SPG11: variants seen among roughly 807,000 people sequenced by gnomAD.
The protein encoded by SPG11 is SPG11 vesicle trafficking associated, spatacsin, also known as spatacsin.
In SPG11, 222 loss-of-function variants were observed where a neutral mutation model predicts 274.0. That is an observed-to-expected ratio of 0.81 (90% confidence interval 0.73 to 0.91). The LOEUF (loss-of-function observed/expected upper bound fraction) is 0.91. Ranked by LOEUF, SPG11 falls within the 40% of genes least tolerant of loss-of-function variation. The probability of loss-of-function intolerance (pLI) is 0.00; values close to 1 mark genes in which losing one functional copy is unlikely to be tolerated. For missense variants in SPG11, 3,114 were observed against 2,872.7 expected (o/e 1.08, Z -1.92); for synonymous variants, 1,144 against 1,039.7 (o/e 1.10, Z -1.93).
Position 44,633,458 on chromosome 15 carries a change from G to A in SPG11, c.1735+47C>T, listed in dbSNP as rs753631951. 302 of 1,376,276 alleles carry A rather than the reference G, an allele frequency of 2.2e-4. 1 individual carries two copies. In the South Asian group the frequency reaches 2.6e-3, roughly 12 times the overall value. The allele number at this position is 1,376,276 out of a possible 1,614,324, so 85.3% of individuals were successfully genotyped here. On this transcript the variant is annotated intron_variant, in intron 8 of 39. Coordinates refer to ENST00000261866, the MANE Select transcript of SPG11 (RefSeq NM_025137.4). The stretch of plus-strand genomic sequence containing the variant: ...AACATCATACTTTGAAAGTTATTAA[G>A]AAGATCAAATGATAAATACAAATGT...
chr15:44,662,026 G>A (rs2085124238), intron 1 of SPG11, among the ~76,000 whole-genome samples: 1 of 152,028 alleles, frequency 6.6e-6, no homozygotes, highest in Non-Finnish European at 1.5e-5. Context: ...TTCCCTGCTG[G>A]GTTCTCAAAC....
At chr15:44,578,321 G>A (rs2082588960) in intron 30 of SPG11, among the ~76,000 whole-genome samples, 1 of 151,442 alleles carries the variant, frequency 6.6e-6, no homozygotes, top group Non-Finnish European at 1.5e-5. Context: ...GTGAGCCACC[G>A]CGCCTGGCCA....
Position 44,621,936 on chromosome 15 carries a change from T to C in SPG11, c.2445-2A>G, listed in dbSNP as rs1402326508. 1.9e-6 allele frequency: 3 copies of C among 1,604,268 alleles called. No homozygotes were observed. The highest frequency in any genetic ancestry group is 1.1e-5 in the South Asian group (1 of 88,462). On this transcript the variant is annotated splice_acceptor_variant, in intron 13 of 39. Coordinates refer to ENST00000261866, the MANE Select transcript of SPG11 (RefSeq NM_025137.4). LOFTEE classifies it high-confidence loss of function. ...AAATCTTGTTCCTTTATCCAGTACC[T>C]AAAAACAGTGATATAAATTTTTTTT...
intron 17 of SPG11, among the ~76,000 whole-genome samples, chr15:44,612,761 C>G (rs896219270): frequency 6.6e-6 from 1 of 151,810 alleles, no homozygotes; most frequent in Non-Finnish European, 1.5e-5. Context: ...ACATATATTA[C>G]TTCATAATCA....
chr15:44,569,572 T>A, intron 34 of SPG11, 67 bp from the exon 35 acceptor site: 2 of 1,215,388 alleles, frequency 1.6e-6, no homozygotes, highest in Non-Finnish European at 2.4e-6. Context: ...GCCAGACAAC[T>A]ACCATCAGTG....
At position 44,584,238 on chromosome 15, in the gene SPG11, A is replaced by C; in HGVS notation, c.5442T>G (p.Asn1814Lys). The change falls in exon 30 of 40, where the codon AAT (asparagine) becomes AAG (lysine). Residue 1814 changes from asparagine to lysine, a missense_variant. Coordinates refer to ENST00000261866, the MANE Select transcript of SPG11 (RefSeq NM_025137.4). ...AAAATCTGGGCTCTGTTTCCTCCTG[A>C]TTTCTTCCAAGAGTGTGCTGGGTGA... is the stretch of plus-strand genomic sequence containing the variant. ...CRITQHTLGRNQEETEPRFSR... is the reference protein window; with the variant it reads ...CRITQHTLGRKQEETEPRFSR... 1 of 1,614,112 alleles carries C rather than the reference A, an allele frequency of 6.2e-7. No individual in the cohort carries two copies. Among genetic ancestry groups the C allele is most frequent in the Non-Finnish European group, 8.5e-7 (1 of 1,180,016 alleles).
At chr15:44,576,590 A>G in intron 30 of SPG11, among the ~76,000 whole-genome samples, 1 of 150,630 alleles carries the variant, frequency 6.6e-6, no homozygotes, top group East Asian at 2.0e-4. Flanking sequence ...TGGAGCTTGC[A>G]GTGAGTGGAG....
chr15:44,643,065 T>C (rs1356542271), intron 7 of SPG11, among the ~76,000 whole-genome samples: 1 of 152,212 alleles, frequency 6.6e-6, no homozygotes, highest in Non-Finnish European at 1.5e-5. Context: ...TTCATTTTTA[T>C]GTAGGAGGAG....
intron 6 of SPG11, among the ~76,000 whole-genome samples, chr15:44,650,645 T>TA (rs904113368): frequency 6.0e-5 from 9 of 150,316 alleles, no homozygotes; most frequent in Non-Finnish European, 8.9e-5. Flanking sequence ...AAAAGTAAAT[T>TA]AAAAAAAAGA....
Position 44,573,619 on chromosome 15 carries a change from T to G in SPG11, c.6133A>C (p.Lys2045Gln), listed in dbSNP as rs2082472129. Residue 2045 changes from lysine to glutamine, a missense_variant, in exon 32 of 40, where the codon AAG (lysine) becomes CAG (glutamine). Coordinates refer to ENST00000261866, the MANE Select transcript of SPG11 (RefSeq NM_025137.4). ...ACGAGTTCAGCCACAGTATCTGGCT[T>G]AAGGCCCTGTGTGCTGATGAAGGCC... ...AQAFISTQGL[K>Q]PDTVAELVAE... 8 of 1,614,182 alleles carry G rather than the reference T, an allele frequency of 5.0e-6. No homozygotes were observed. The highest frequency in any genetic ancestry group is 6.8e-6 in the Non-Finnish European group (8 of 1,180,028).
chr15:44,632,065 T>A (rs1304001030), intron 8 of SPG11, among the ~76,000 whole-genome samples: 2 of 152,020 alleles, frequency 1.3e-5, no homozygotes, highest in Non-Finnish European at 2.9e-5. Context: ...CGCTTCAGCC[T>A]CCCAAAGTGC....
intron 7 of SPG11, among the ~76,000 whole-genome samples, chr15:44,645,367 C>A (rs2084575649): frequency 6.6e-6 from 1 of 152,086 alleles, no homozygotes; most frequent in Non-Finnish European, 1.5e-5. Flanking sequence ...AAACAATGGG[C>A]AAAGAACTCC....
chr15:44,566,051 G>A (rs999037145), intron 37 of SPG11, 42 bp from the exon 38 acceptor site: 3 of 1,611,840 alleles, frequency 1.9e-6, no homozygotes, highest in Non-Finnish European at 2.5e-6. Context: ...GAAAGACCTA[G>A]TTGTCACCTC....
chr15:44,604,213 A>G (rs75043564), intron 20 of SPG11: 1 of 416,044 alleles, frequency 2.4e-6, no homozygotes, highest in South Asian at 1.8e-5. Flanking sequence ...AAAAAAAAAA[A>G]GGCTTGAAGA....
In SPG11 at chr15:44,657,270, A is replaced by G. The variant is rs545628257; in HGVS notation, c.694T>C (p.Tyr232His). 6.2e-7 allele frequency: 1 copy of G among 1,614,232 alleles called. No individual in the cohort carries two copies. The highest frequency in any genetic ancestry group is 8.5e-7 in the Non-Finnish European group (1 of 1,180,038). The part of the protein sequence containing the change: ...IYIFDVVDGT[Y>H]VAHVDLALHK... ...AGTGCTAAATCCACATGAGCTACATATGTACCATCCACAACATCAAAAATG... is the reference window on the plus strand; with the variant it reads ...AGTGCTAAATCCACATGAGCTACATGTGTACCATCCACAACATCAAAAATG... The change falls in exon 4 of 40, where the codon TAT (tyrosine) becomes CAT (histidine). Residue 232 changes from tyrosine to histidine, a missense_variant. By Grantham distance (83) the Tyr-to-His change is moderately conservative (BLOSUM62 2). Transcript: ENST00000261866.
chr15:44,642,451 C>G (rs184469442), intron 7 of SPG11, among the ~76,000 whole-genome samples: 1 of 148,554 alleles, frequency 6.7e-6, no homozygotes. Flanking sequence ...TATACACACA[C>G]ACACATACAC....
Position 44,622,304 on chromosome 15 carries a change from T to C in SPG11, c.2360A>G (p.Lys787Arg). 6.4e-7 allele frequency: 1 copy of C among 1,570,124 alleles called. No homozygotes were observed. Among genetic ancestry groups the C allele is most frequent in the Non-Finnish European group, 8.7e-7 (1 of 1,148,300 alleles). ...TTGATGCACGAAGTCTATAGTTCTT[T>C]TCTCTTTTTCAGAAAAATAATTTTT... ...KEKNYFSEKE[K>R]RTIDFVHQVE... The change falls in exon 13 of 40, where the codon AAA (lysine) becomes AGA (arginine). Residue 787 changes from lysine (K) to arginine (R), a missense_variant. By Grantham distance (26) the Lys-to-Arg change is conservative (BLOSUM62 2). Transcript: ENST00000261866.
At chr15:44,657,701 T>G (rs967578160) in intron 3 of SPG11, among the ~76,000 whole-genome samples, 1 of 152,250 alleles carries the variant, frequency 6.6e-6, no homozygotes, top group African/African-American at 2.4e-5. Flanking sequence ...GTCTGATATT[T>G]TACTTAGAGC....
chr15:44,563,002 T>G lies in SPG11; in HGVS notation c.*119A>C. On this transcript the variant is annotated 3_prime_UTR_variant, in exon 40 of 40. Transcript: ENST00000261866. ...TTGCTACCTACTACCCACAAAGGAC[T>G]GATATGGTACAGTACCGGGATTGTT... The G allele has an allele frequency of 1.0e-6, 1 of 976,018 alleles. No homozygotes were observed. The highest frequency in any genetic ancestry group is 1.6e-6 in the Non-Finnish European group (1 of 632,524). The allele number at this position is 976,018 out of a possible 1,614,324, so 60.5% of individuals were successfully genotyped here.
Sources: allele counts gnomAD v4.1 joint callset (sites outside exome capture counted in the v4.1 genomes callset), GRCh38; gene constraint gnomAD v4.1.1; transcripts MANE v1.5; gene names NCBI Gene and HGNC (gene_info 2026-07-23, HGNC 2026-07-21).